The following PNPT1 variants were observed in gnomAD, a reference collection of about 807,000 sequenced individuals.
The protein encoded by PNPT1 is polyribonucleotide nucleotidyltransferase 1, mitochondrial.
A neutral mutation model predicts 119.5 loss-of-function variants in PNPT1; 53 were observed. The ratio of observed to expected loss-of-function variants is 0.44; its 90% CI spans 0.36 to 0.56. The LOEUF (loss-of-function observed/expected upper bound fraction) is 0.56, where lower values mean the gene tolerates loss of function less well. PNPT1 is among the 20% of genes least tolerant of loss of function. The pLI, the probability that PNPT1 is intolerant of heterozygous loss-of-function variation, is 0.00. For synonymous variants in PNPT1, 357 were observed against 322.1 expected (o/e 1.11, Z -1.16); for missense variants, 948 against 938.5 (o/e 1.01, Z -0.13).
chr2:55,651,262 G>C (rs560002975), intron 18 of PNPT1, among the ~76,000 whole-genome samples: 5 of 151,582 alleles, frequency 3.3e-5, no homozygotes, highest in Admixed American at 6.6e-5. Flanking sequence ...CCACCACCCC[G>C]TCTGGGAGGT....
rs183456391 is a variant in PNPT1 at position 55,692,402 on chromosome 2, T to C, written c.161+1261A>G. Among the ~76,000 whole-genome samples the C allele has an allele frequency of 2.0e-5, 3 of 152,320 alleles. No homozygotes were observed. In the East Asian group the frequency reaches 5.8e-4, roughly 29 times the overall value. On this transcript the variant is annotated intron_variant, in intron 1 of 27. Coordinates refer to ENST00000447944, the MANE Select transcript of PNPT1 (RefSeq NM_033109.5). Reference sequence around the variant, plus strand: ...CGAGACCTGGATTCAAAATGATTTTTTTGCTTTTTGTATGAACTGGGGTCC... The same window carrying C: ...CGAGACCTGGATTCAAAATGATTTTCTTGCTTTTTGTATGAACTGGGGTCC...
At chr2:55,671,265 C>G in intron 11 of PNPT1, 54 bp downstream of exon 11, 1 of 940,720 alleles carries the variant, frequency 1.1e-6, no homozygotes, top group Non-Finnish European at 1.6e-6. Flanking sequence ...TCAGGCCATG[C>G]CTTATTAAAG....
Position 55,672,034 on chromosome 2 carries a change from C to A in PNPT1, c.879G>T (p.Glu293Asp), listed in dbSNP as rs981886008. ...AATCTGTAAAAACTGCATAGAGTCT[C>A]TCCATAGCAAGTCTATTTAAGCAGA... is the stretch of plus-strand genomic sequence containing the variant. ...IVKYTHKLAMERLYAVFTDYE... is the reference protein window; with the variant it reads ...IVKYTHKLAMDRLYAVFTDYE... Residue 293 changes from glutamate to aspartate, a missense_variant, in exon 10 of 28, where the codon GAG (glutamate) becomes GAT (aspartate). By Grantham distance (45) the Glu-to-Asp change is conservative. Coordinates refer to ENST00000447944, the MANE Select transcript of PNPT1 (RefSeq NM_033109.5). 1 of 1,598,660 alleles carries A rather than the reference C, an allele frequency of 6.3e-7. No homozygotes were observed. The highest frequency in any genetic ancestry group is 8.5e-7 in the Non-Finnish European group (1 of 1,173,238).
intron 18 of PNPT1, among the ~76,000 whole-genome samples, chr2:55,649,449 A>AT (rs913347830): frequency 2.0e-5 from 3 of 152,088 alleles, no homozygotes; most frequent in African/African-American, 4.8e-5. Context: ...AGATCTGTTT[A>AT]TTTTTTTAGA....
chr2:55,642,816 C>G (rs188491708), intron 25 of PNPT1, among the ~76,000 whole-genome samples: 31 of 151,804 alleles, frequency 2.0e-4, no homozygotes, highest in African/African-American at 7.5e-4. Context: ...TAATAGGAAT[C>G]TGTTAAAAAC....
intron 15 of PNPT1, among the ~76,000 whole-genome samples, chr2:55,659,579 C>G (rs1696498016): frequency 1.3e-5 from 2 of 151,570 alleles, no homozygotes; most frequent in South Asian, 4.2e-4. Context: ...TTACGTATGA[C>G]TTAGAACAGG....
intron 14 of PNPT1, among the ~76,000 whole-genome samples, chr2:55,661,641 C>A (rs1014034635): frequency 4.6e-5 from 7 of 152,106 alleles, no homozygotes; most frequent in African/African-American, 1.7e-4. Context: ...GCTCTCGTTT[C>A]TAATAGAAAA....
chr2:55,654,405 G>A (rs1476309985), intron 18 of PNPT1, among the ~76,000 whole-genome samples: 1 of 152,090 alleles, frequency 6.6e-6, no homozygotes, highest in Non-Finnish European at 1.5e-5. Flanking sequence ...TGTATAAATC[G>A]ACTGAAAGAT....
chr2:55,638,738 A>C (rs1041113232), intron 26 of PNPT1, among the ~76,000 whole-genome samples: 1 of 152,158 alleles, frequency 6.6e-6, no homozygotes, highest in Non-Finnish European at 1.5e-5. Context: ...CGGCATTTAT[A>C]AAAATGGACC....
intron 3 of PNPT1, 102 bp downstream of exon 3, chr2:55,686,268 C>T: frequency 9.8e-7 from 1 of 1,015,348 alleles, no homozygotes; most frequent in Non-Finnish European, 1.4e-6. Flanking sequence ...CTTTGTTGTG[C>T]AAGTTTGTAT....
At chr2:55,654,747 A>C (rs186234814) in intron 18 of PNPT1, among the ~76,000 whole-genome samples, 153 bp downstream of exon 18, 93 of 151,696 alleles carry the variant, frequency 6.1e-4, no homozygotes, top group African/African-American at 2.2e-3. Context: ...ATTTTTTTTT[A>C]ATCTTTTTTG....
At chr2:55,687,315 C>G (rs544326867) in intron 2 of PNPT1, among the ~76,000 whole-genome samples, 1 of 152,106 alleles carries the variant, frequency 6.6e-6, no homozygotes, top group South Asian at 2.1e-4. Context: ...TGGTGCACGC[C>G]TGTAGTCCCA....
chr2:55,692,363 T>C (rs1314433919), intron 1 of PNPT1, among the ~76,000 whole-genome samples: 1 of 152,176 alleles, frequency 6.6e-6, no homozygotes, highest in Non-Finnish European at 1.5e-5. Context: ...CAACTACTTA[T>C]CAAAGTTAGA....
At chr2:55,659,126 T>G (rs1489200718) in intron 15 of PNPT1, among the ~76,000 whole-genome samples, 1 of 152,132 alleles carries the variant, frequency 6.6e-6, no homozygotes, top group African/African-American at 2.4e-5. Context: ...GGCTAATTTT[T>G]AGATCTTCTT....
chr2:55,688,325 C>A (rs549743957), intron 1 of PNPT1, among the ~76,000 whole-genome samples: 2 of 152,110 alleles, frequency 1.3e-5, no homozygotes, highest in Non-Finnish European at 2.9e-5. Context: ...CAGGTATGAG[C>A]CACTGTGCCT....
chr2:55,672,777 G>T (rs1015701998), intron 9 of PNPT1, 116 bp downstream of exon 9: 1 of 991,232 alleles, frequency 1.0e-6, no homozygotes, highest in African/African-American at 1.7e-5. Context: ...TCTTAAAACA[G>T]AAAAGTGCTA....
intron 1 of PNPT1, among the ~76,000 whole-genome samples, chr2:55,693,206 GA>G (rs747711481): frequency 2.0e-5 from 3 of 152,224 alleles, no homozygotes; most frequent in Non-Finnish European, 4.4e-5. Flanking sequence ...CGAGGAGTGG[GA>G]CGTGGGGGAC....
intron 7 of PNPT1, among the ~76,000 whole-genome samples, chr2:55,680,210 A>T (rs1455981349): frequency 6.6e-6 from 1 of 152,186 alleles, no homozygotes; most frequent in Non-Finnish European, 1.5e-5. Flanking sequence ...ATGTCTTTAT[A>T]ATAACACTGA....
At chr2:55,681,913 G>A (rs1045798809) in intron 5 of PNPT1, among the ~76,000 whole-genome samples, 8 of 151,202 alleles carry the variant, frequency 5.3e-5, no homozygotes, top group Admixed American at 1.3e-4. Flanking sequence ...AGGCTGAGGC[G>A]GGCAGATCAC....
Sources: gnomAD v4.1 joint callset for allele counts (sites outside exome capture counted in the v4.1 genomes callset) on GRCh38, gnomAD v4.1.1 for gene constraint, MANE v1.5 for transcripts, NCBI Gene and HGNC (gene_info 2026-07-23, HGNC 2026-07-21) for gene names.